Variants in PRTG observed in about 807,000 individuals in gnomAD.
PRTG encodes the protein protogenin, also known as immunoglobulin superfamily, DCC subclass, member 5.
In PRTG, 67 loss-of-function variants were observed where a neutral mutation model predicts 122.5. That is an observed-to-expected ratio of 0.55 (90% CI 0.45 to 0.67). PRTG has a LOEUF of 0.67. Ranked by LOEUF, PRTG falls within the 30% of genes least tolerant of loss-of-function variation. PRTG has a pLI of 0.00. For synonymous variants in PRTG, 554 were observed against 501.1 expected, an observed-to-expected ratio of 1.11 and a Z score of -1.41; for missense variants, 1,435 against 1,415.4, an observed-to-expected ratio of 1.01 and a Z score of -0.22.
intron 2 of PRTG, among the ~76,000 whole-genome samples, chr15:55,733,173 C>T (rs1446017864): frequency 6.6e-6 from 1 of 152,084 alleles, no homozygotes; most frequent in African/African-American, 2.4e-5. Context: ...TGCGCCACTG[C>T]ACTCTAGCCT....
chr15:55,671,148 T>TGC (rs1053152850), intron 11 of PRTG, among the ~76,000 whole-genome samples: 2 of 152,218 alleles, frequency 1.3e-5, no homozygotes, highest in Non-Finnish European at 2.9e-5. Context: ...CTCCCACCAC[T>TGC]GCTTCTTACT....
At chr15:55,677,368 T>A (rs1233084981) in intron 8 of PRTG, among the ~76,000 whole-genome samples, 2 of 152,144 alleles carry the variant, frequency 1.3e-5, no homozygotes, top group East Asian at 3.8e-4. Context: ...AATTTGACAA[T>A]GTTTACTTTC....
At chr15:55,637,945 T>C (rs971158594) in intron 14 of PRTG, among the ~76,000 whole-genome samples, 6 of 152,202 alleles carry the variant, frequency 3.9e-5, no homozygotes, top group South Asian at 4.1e-4. Flanking sequence ...GCCAAAACCA[T>C]AGCAACAAAG....
intron 2 of PRTG, among the ~76,000 whole-genome samples, chr15:55,733,829 C>A (rs1316464320): frequency 6.6e-6 from 1 of 152,040 alleles, no homozygotes; most frequent in Non-Finnish European, 1.5e-5. Context: ...TCTGACTCAA[C>A]AACAAAAACA....
rs755707166 is a variant in PRTG at position 55,683,966 on chromosome 15, G to T, written c.398-35C>A. 1.6e-5 allele frequency: 25 copies of T among 1,580,466 alleles called. No individual in the cohort carries two copies. The South Asian group carries it at 2.8e-4, about 18-fold the overall frequency. Reference sequence around the variant, plus strand: ...AAAGTTTGAGAAATTCAGAATAAGTGCATGAAAATAACACTTAGAAGTAAC... The same window carrying T: ...AAAGTTTGAGAAATTCAGAATAAGTTCATGAAAATAACACTTAGAAGTAAC... On this transcript the variant is annotated intron_variant, in intron 2 of 19. Transcript: ENST00000389286.
rs2059133336 is a variant in PRTG, at chr15:55,614,372, G to C, written c.*5640C>G. On this transcript the variant is annotated 3_prime_UTR_variant, in exon 20 of 20. Transcript: ENST00000389286. ...TAATAAAACTGAAAAGCATTCAGTG[G>C]CTTGGTGAAGCTGAAGAGAGGAACC... The C allele has an allele frequency of 6.6e-6, 1 of 152,144 alleles. No individual in the cohort carries two copies. The highest frequency in any genetic ancestry group is 2.4e-5 in the African/African-American group (1 of 41,456). The allele number at this position is 152,144 out of a possible 1,614,324, so 9.4% of individuals were successfully genotyped here. A position where few individuals can be genotyped will look rare whatever the true frequency, so the allele number is the denominator to read the frequency against.
At chr15:55,632,483 C>A (rs2059233135) in intron 15 of PRTG, among the ~76,000 whole-genome samples, 1 of 152,168 alleles carries the variant, frequency 6.6e-6, no homozygotes, top group African/African-American at 2.4e-5. Flanking sequence ...TCTCCAATAC[C>A]TTCCTCTCTC....
At chr15:55,667,721 A>C (rs796176233) in intron 11 of PRTG, among the ~76,000 whole-genome samples, 18 of 152,342 alleles carry the variant, frequency 1.2e-4, no homozygotes, top group African/African-American at 4.3e-4. Flanking sequence ...CAAGGCAAGC[A>C]GTTTCCAAAA....
chr15:55,688,997 C>T (rs564754527), intron 2 of PRTG, among the ~76,000 whole-genome samples: 1 of 152,318 alleles, frequency 6.6e-6, no homozygotes, highest in African/African-American at 2.4e-5. Context: ...TCTCAATCAC[C>T]TGTTCCCACT....
intron 11 of PRTG, among the ~76,000 whole-genome samples, chr15:55,666,382 G>T (rs1330219830): frequency 6.6e-6 from 1 of 152,138 alleles, no homozygotes; most frequent in Non-Finnish European, 1.5e-5. Context: ...TAGGGTGAAG[G>T]CTTTAAAATA....
chr15:55,726,083 T>C (rs1225785839), intron 2 of PRTG, among the ~76,000 whole-genome samples: 3 of 152,088 alleles, frequency 2.0e-5, no homozygotes, highest in Non-Finnish European at 4.4e-5. Context: ...AGTAGGATTA[T>C]AGGCACGTGC....
rs1005290881 is a variant in PRTG, at chr15:55,613,916, T to C, written c.*6096A>G. On this transcript the variant is annotated 3_prime_UTR_variant, in exon 20 of 20. Coordinates refer to ENST00000389286, the MANE Select transcript of PRTG (RefSeq NM_173814.6). ...AGGAAGCTGTTCCTAATCCCTAAAATGCGGATAATACTTGCTTTACAGAAT... is the reference window on the plus strand; with the variant it reads ...AGGAAGCTGTTCCTAATCCCTAAAACGCGGATAATACTTGCTTTACAGAAT... The C allele has an allele frequency of 4.7e-4, 71 of 152,206 alleles. No homozygotes were observed. Among genetic ancestry groups the C allele is most frequent in the Admixed American group, 4.0e-3 (61 of 15,272 alleles). The allele number at this position is 152,206 out of a possible 1,614,324, so 9.4% of individuals were successfully genotyped here.
intron 2 of PRTG, among the ~76,000 whole-genome samples, chr15:55,708,033 C>A (rs538886946): frequency 2.0e-5 from 3 of 151,506 alleles, no homozygotes; most frequent in East Asian, 3.9e-4. Context: ...GTTTTTCAAC[C>A]GTCTCTTCTG....
chr15:55,626,688 G>GT (rs1318267417), intron 17 of PRTG, among the ~76,000 whole-genome samples: 1 of 151,562 alleles, frequency 6.6e-6, no homozygotes, highest in African/African-American at 2.4e-5. Context: ...AACCTAAGAG[G>GT]TGATGCTTGC....
rs1253398718 is a variant in PRTG, at chr15:55,616,723, T to C, written c.*3289A>G. The C allele has an allele frequency of 6.6e-6, 1 of 152,170 alleles. No individual in the cohort carries two copies. Among genetic ancestry groups the C allele is most frequent in the African/African-American group, 2.4e-5 (1 of 41,460 alleles). 9.4% of individuals were successfully genotyped at this position (152,170 alleles called of 1,614,324 possible). ...CCTTAAATATCTTTGGTTTTTTTCT[T>C]TTTAATTTGCTGATAAAAAGTACTT... is the stretch of plus-strand genomic sequence containing the variant. On this transcript the variant is annotated 3_prime_UTR_variant, in exon 20 of 20. Coordinates refer to ENST00000389286, the MANE Select transcript of PRTG (RefSeq NM_173814.6).
At chr15:55,668,953 T>C (rs1202642551) in intron 11 of PRTG, among the ~76,000 whole-genome samples, 2 of 152,202 alleles carry the variant, frequency 1.3e-5, no homozygotes, top group Non-Finnish European at 2.9e-5. Flanking sequence ...TAATGTCTTT[T>C]AATATTTCTT....
At chr15:55,714,199 T>TTGTCTCTC (rs1467427996) in intron 2 of PRTG, among the ~76,000 whole-genome samples, 7 of 95,278 alleles carry the variant, frequency 7.3e-5, no homozygotes, top group Non-Finnish European at 1.2e-4. Flanking sequence ...TTCTATCTAT[T>TTGTCTCTC]TATCTGTCTC....
At chr15:55,741,278 A>G (rs1160170827) in intron 1 of PRTG, among the ~76,000 whole-genome samples, 4 of 152,220 alleles carry the variant, frequency 2.6e-5, no homozygotes, top group Non-Finnish European at 5.9e-5. Flanking sequence ...CTGCAAAGCA[A>G]GCTAGGTATT....
intron 14 of PRTG, among the ~76,000 whole-genome samples, chr15:55,638,034 AGATT>A (rs2059267531): frequency 6.6e-6 from 1 of 152,196 alleles, no homozygotes; most frequent in Non-Finnish European, 1.5e-5. Context: ...CTTATATAAT[AGATT>A]ATCTAGTCCT....
Sources: allele counts gnomAD v4.1 joint callset (sites outside exome capture counted in the v4.1 genomes callset), GRCh38; gene constraint gnomAD v4.1.1; transcripts MANE v1.5; gene names NCBI Gene and HGNC (gene_info 2026-07-23, HGNC 2026-07-21).